BRD7: variants seen among roughly 807,000 people sequenced by gnomAD.
BRD7 encodes bromodomain containing 7, also known as bromodomain-containing protein 7.
BRD7 carries 15 observed loss-of-function variants against 82.1 expected under a neutral mutation model. The ratio of observed to expected loss-of-function variants is 0.18; its 90% CI spans 0.12 to 0.28. The LOEUF is 0.28. Ranked by LOEUF, BRD7 falls within the 10% of genes least tolerant of loss-of-function variation. The pLI is 1.00. For missense variants in BRD7, 638 were observed against 779.9 expected (o/e 0.82, Z 2.17); for synonymous variants, 232 against 266.9 (o/e 0.87, Z 1.27).
In BRD7 at chr16:50,321,949, A is replaced by T. The variant is rs771243730; in HGVS notation, c.1500+33T>A. 7 of 1,578,672 alleles carry T rather than the reference A, an allele frequency of 4.4e-6. No individual in the cohort carries two copies. The Admixed American group carries it at 5.3e-5, about 12-fold the overall frequency. On this transcript the variant is annotated intron_variant, in intron 13 of 16. Transcript: ENST00000394688. ...CTCTTACTCCCCTTATTTTCCATTT[A>T]AATATTTCTTGTAAAGTGTAAAATA...
At chr16:50,353,462 T>C (rs1339342477) in intron 4 of BRD7, among the ~76,000 whole-genome samples, 1 of 152,172 alleles carries the variant, frequency 6.6e-6, no homozygotes, top group African/African-American at 2.4e-5. Flanking sequence ...TTAAGTTCAA[T>C]ACAATGAAAG....
intron 11 of BRD7, among the ~76,000 whole-genome samples, chr16:50,325,122 A>T (rs2151138660): frequency 6.6e-6 from 1 of 152,334 alleles, no homozygotes; most frequent in South Asian, 2.1e-4. Flanking sequence ...CTACTGCCAT[A>T]ACCCAAGCTC....
intron 4 of BRD7, among the ~76,000 whole-genome samples, chr16:50,353,543 G>A (rs1209296484): frequency 6.6e-6 from 1 of 151,962 alleles, no homozygotes; most frequent in South Asian, 2.1e-4. Context: ...TCTTTGAGCT[G>A]AAAATTTAAA....
At chr16:50,339,894 G>T in intron 6 of BRD7, 82 bp downstream of exon 6, 3 of 714,810 alleles carry the variant, frequency 4.2e-6, no homozygotes, top group Non-Finnish European at 6.8e-6. Flanking sequence ...AATCAATACT[G>T]TATTGTATCT....
chr16:50,363,660 T>TGTGTGTGCGC (rs138025982), intron 2 of BRD7, among the ~76,000 whole-genome samples: 101 of 102,508 alleles, frequency 9.9e-4, no homozygotes, highest in Middle Eastern at 6.4e-3. Context: ...TGTGTGTGTG[T>TGTGTGTGCGC]GCGCGCGCGC....
chr16:50,321,895 C>G, intron 13 of BRD7, 87 bp downstream of exon 13: 5 of 1,234,994 alleles, frequency 4.0e-6, no homozygotes, highest in Non-Finnish European at 5.8e-6. Flanking sequence ...TTCCTTCTTA[C>G]CCAATGGGCC....
rs2036829248 is a variant in BRD7, at chr16:50,316,989, A to C, written c.*2222T>G. On this transcript the variant is annotated 3_prime_UTR_variant, in exon 17 of 17. Transcript: ENST00000394688. ...TACAGGGTTGCAGATTGGGTGACTG[A>C]CCAGACTTGTTGGGGTCCTGGGATG... The C allele has an allele frequency of 6.5e-6, 1 of 152,734 alleles. No homozygotes were observed. The highest frequency in any genetic ancestry group is 1.5e-5 in the Non-Finnish European group (1 of 68,028). 9.5% of individuals were successfully genotyped at this position (152,734 alleles called of 1,614,324 possible). A position where few individuals can be genotyped will look rare whatever the true frequency, so the allele number is the denominator to read the frequency against.
At chr16:50,331,042 G>A (rs560437247) in intron 8 of BRD7, among the ~76,000 whole-genome samples, 17 of 152,040 alleles carry the variant, frequency 1.1e-4, no homozygotes, top group Non-Finnish European at 2.5e-4. Flanking sequence ...TAATGTTCAA[G>A]CTGAGCACCA....
chr16:50,331,916 T>C (rs565309465), intron 8 of BRD7, among the ~76,000 whole-genome samples: 1 of 152,310 alleles, frequency 6.6e-6, no homozygotes, highest in East Asian at 1.9e-4. Context: ...TAAATGGCGC[T>C]AAGAAAACTG....
At chr16:50,334,522 G>T (rs2037709269) in intron 7 of BRD7, among the ~76,000 whole-genome samples, 189 bp downstream of exon 7, 2 of 151,808 alleles carry the variant, frequency 1.3e-5, no homozygotes, top group African/African-American at 4.8e-5. Context: ...ACTGTGTTTG[G>T]ACAATCCCAT....
At chr16:50,339,294 T>C (rs1202766199) in intron 6 of BRD7, among the ~76,000 whole-genome samples, 1 of 152,226 alleles carries the variant, frequency 6.6e-6, no homozygotes, top group Non-Finnish European at 1.5e-5. Flanking sequence ...AGAAATGTAC[T>C]GTTAGGCAAT....
chr16:50,337,164 T>C (rs180882748), intron 6 of BRD7, among the ~76,000 whole-genome samples: 8 of 152,324 alleles, frequency 5.3e-5, no homozygotes, highest in Non-Finnish European at 1.0e-4. Flanking sequence ...ACAAATAGTA[T>C]TGTTTGTACT....
chr16:50,360,276 A>G (rs956120140), intron 2 of BRD7, among the ~76,000 whole-genome samples: 13 of 152,248 alleles, frequency 8.5e-5, no homozygotes, highest in Non-Finnish European at 1.6e-4. Context: ...GGAACACAAA[A>G]GCATGCAAAT....
intron 1 of BRD7, chr16:50,368,500 C>T: frequency 1.1e-5 from 8 of 742,496 alleles, no homozygotes; most frequent in South Asian, 9.7e-5. Context: ...CTCCCGGGCC[C>T]GCCTCACGTC....
Position 50,368,196 on chromosome 16 carries a change from T to C in BRD7, c.152A>G (p.Asp51Gly). The change falls in exon 2 of 17, where the codon GAC becomes GGC. Residue 51 changes from aspartate to glycine, a missense_variant. By Grantham distance (94) the Asp-to-Gly change is moderately conservative. Transcript: ENST00000394688. The stretch of plus-strand genomic sequence containing the variant: ...CTTGTGTTTGTCATGATCGTTTTTG[T>C]CTTCGAAGAGGCTGGAGTCGTGCCC... ...SSGHDSSLFE[D>G]KNDHDKHKDR... 1.2e-6 allele frequency: 2 copies of C among 1,614,214 alleles called. No individual in the cohort carries two copies. Among genetic ancestry groups the C allele is most frequent in the South Asian group, 1.1e-5 (1 of 91,082 alleles).
In BRD7 at chr16:50,333,558, G is replaced by C. The variant is rs199914615; in HGVS notation, c.1011+16C>G. 40 of 1,604,066 alleles carry C rather than the reference G, an allele frequency of 2.5e-5. No individual in the cohort carries two copies. In the Admixed American group the frequency reaches 6.4e-4, roughly 26 times the overall value. ...AAATCAGTAGGTAGAGAAAAGAAAA[G>C]GCAAAGCTCAATCACCTGACTGTTC... On this transcript the variant is annotated intron_variant, in intron 8 of 16. Transcript: ENST00000394688.
At chr16:50,347,897 T>C (rs1049960782) in intron 5 of BRD7, among the ~76,000 whole-genome samples, 8 of 152,238 alleles carry the variant, frequency 5.3e-5, no homozygotes, top group African/African-American at 1.2e-4. Flanking sequence ...CTTCACAGAA[T>C]TGGAAAAAAC....
intron 5 of BRD7, among the ~76,000 whole-genome samples, chr16:50,347,603 C>T (rs2038342653): frequency 6.6e-6 from 1 of 152,090 alleles, no homozygotes; most frequent in Admixed American, 6.5e-5. Flanking sequence ...ACAAGCATTC[C>T]TATACACCAA....
chr16:50,352,406 AT>A (rs2038564327), intron 4 of BRD7, among the ~76,000 whole-genome samples: 1 of 152,220 alleles, frequency 6.6e-6, no homozygotes. Flanking sequence ...ATAATACTCC[AT>A]TGTGTATACA....
Sources: gnomAD v4.1 joint callset for allele counts (sites outside exome capture counted in the v4.1 genomes callset) on GRCh38, gnomAD v4.1.1 for gene constraint, MANE v1.5 for transcripts, NCBI Gene and HGNC (gene_info 2026-07-23, HGNC 2026-07-21) for gene names.